Variants in PCCA observed in about 807,000 individuals in gnomAD.
PCCA encodes the protein propionyl-CoA carboxylase subunit alpha, also known as propionyl-CoA carboxylase alpha chain, mitochondrial.
Under a neutral mutation model 101.3 loss-of-function variants are expected in PCCA, and 74 were observed. The observed-to-expected ratio is 0.73, with a 90% confidence interval of 0.61 to 0.89. The LOEUF (loss-of-function observed/expected upper bound fraction) is 0.89. Among genes scored for constraint, PCCA ranks in the 40% least tolerant of loss-of-function variants. The pLI is 0.00. For synonymous variants in PCCA, 294 were observed against 313.6 expected (o/e 0.94, Z 0.66); for missense variants, 891 against 907.0 (o/e 0.98, Z 0.23).
intron 6 of PCCA, among the ~76,000 whole-genome samples, chr13:100,201,920 G>A (rs931322870): frequency 6.7e-6 from 1 of 148,654 alleles, no homozygotes; most frequent in Non-Finnish European, 1.5e-5. Flanking sequence ...GCCAGATTTG[G>A]CCTACACACT....
chr13:100,269,111 G>A (rs2063138512), intron 11 of PCCA, among the ~76,000 whole-genome samples: 1 of 152,178 alleles, frequency 6.6e-6, no homozygotes, highest in South Asian at 2.1e-4. Context: ...GCCTCCCGAA[G>A]TGCTGGGATT....
intron 19 of PCCA, among the ~76,000 whole-genome samples, chr13:100,400,871 C>T (rs2077320743): frequency 6.6e-6 from 1 of 151,972 alleles, no homozygotes; most frequent in African/African-American, 2.4e-5. Flanking sequence ...GGTGATCCAC[C>T]TACCTTGGAC....
At chr13:100,449,339 T>A (rs1382512770) in intron 21 of PCCA, 34 bp downstream of exon 21, 2 of 1,324,674 alleles carry the variant, frequency 1.5e-6, no homozygotes, top group South Asian at 1.3e-5. Flanking sequence ...TCTCTTAATT[T>A]ACAGAGAAAA....
intron 21 of PCCA, among the ~76,000 whole-genome samples, chr13:100,456,464 G>A (rs2081720664): frequency 6.6e-6 from 1 of 152,172 alleles, no homozygotes; most frequent in Non-Finnish European, 1.5e-5. Context: ...GAGATAAAGA[G>A]AAAGCAGCTG....
In PCCA at chr13:100,229,561, G is replaced by A. The variant is rs572484591; in HGVS notation, c.601-6281G>A. Among the ~76,000 whole-genome samples the A allele has an allele frequency of 7.9e-5, 12 of 152,322 alleles. No homozygotes were observed. The East Asian group carries it at 2.1e-3, about 27-fold the overall frequency. On this transcript the variant is annotated intron_variant, in intron 7 of 23. Coordinates refer to ENST00000376285, the MANE Select transcript of PCCA (RefSeq NM_000282.4). ...CTGTTCCTCTTCCTTATTTGAAGGTGTTTTTACCTTTCTCAGTATTCCACA... is the reference window on the plus strand; with the variant it reads ...CTGTTCCTCTTCCTTATTTGAAGGTATTTTTACCTTTCTCAGTATTCCACA...
intron 19 of PCCA, among the ~76,000 whole-genome samples, chr13:100,399,392 A>C (rs2077209771): frequency 6.6e-6 from 1 of 152,234 alleles, no homozygotes; most frequent in African/African-American, 2.4e-5. Flanking sequence ...TTACACTATA[A>C]TGGCTAAACT....
chr13:100,178,237 G>C (rs982704690), intron 6 of PCCA, among the ~76,000 whole-genome samples: 1 of 152,184 alleles, frequency 6.6e-6, no homozygotes, highest in Non-Finnish European at 1.5e-5. Flanking sequence ...ACGTAGAAAA[G>C]ATGCTTAGGC....
chr13:100,220,665 T>C (rs943557504), intron 7 of PCCA, among the ~76,000 whole-genome samples: 3 of 152,234 alleles, frequency 2.0e-5, no homozygotes, highest in African/African-American at 7.2e-5. Flanking sequence ...TAGGTCTTCC[T>C]ATTTCCCTCT....
At chr13:100,131,367 G>A (rs1156800683) in intron 4 of PCCA, among the ~76,000 whole-genome samples, 1 of 152,124 alleles carries the variant, frequency 6.6e-6, no homozygotes, top group Non-Finnish European at 1.5e-5. Flanking sequence ...CAAGAGCCGT[G>A]ATTTCCAAGA....
At chr13:100,487,529 TA>T (rs938388971) in intron 21 of PCCA, among the ~76,000 whole-genome samples, 2 of 152,220 alleles carry the variant, frequency 1.3e-5, no homozygotes, top group East Asian at 1.9e-4. Flanking sequence ...GTTAAATTAA[TA>T]TTTTTTATTT....
At chr13:100,447,099 G>A (rs2080884434) in intron 20 of PCCA, among the ~76,000 whole-genome samples, 2 of 152,056 alleles carry the variant, frequency 1.3e-5, no homozygotes, top group African/African-American at 4.8e-5. Context: ...GAAGTAAAAT[G>A]GGTTGGCTGG....
intron 4 of PCCA, among the ~76,000 whole-genome samples, chr13:100,154,307 AGAGT>A (rs1172841591): frequency 3.9e-5 from 6 of 152,250 alleles, no homozygotes; most frequent in South Asian, 2.1e-4. Context: ...TAAACATTAT[AGAGT>A]GAGTAGTCTT....
At chr13:100,294,734 T>TC (rs1470903607) in intron 12 of PCCA, among the ~76,000 whole-genome samples, 17 of 152,318 alleles carry the variant, frequency 1.1e-4, no homozygotes, top group African/African-American at 3.8e-4. Context: ...TAGCCAGTAC[T>TC]CACTTTGATG....
intron 12 of PCCA, among the ~76,000 whole-genome samples, chr13:100,274,660 G>A (rs1214105768): frequency 1.3e-5 from 2 of 152,098 alleles, no homozygotes; most frequent in African/African-American, 4.8e-5. Context: ...TGCCTCAGTT[G>A]TCATATTGCC....
At chr13:100,132,958 T>A (rs1460231745) in intron 4 of PCCA, among the ~76,000 whole-genome samples, 2 of 152,058 alleles carry the variant, frequency 1.3e-5, no homozygotes, top group Non-Finnish European at 2.9e-5. Context: ...TTTTTGTATT[T>A]TTACTAGAGA....
chr13:100,446,863 C>T (rs1465596598), intron 20 of PCCA, among the ~76,000 whole-genome samples: 1 of 152,174 alleles, frequency 6.6e-6, no homozygotes, highest in African/African-American at 2.4e-5. Flanking sequence ...TTATTCTGAA[C>T]ATATTGTTTT....
intron 6 of PCCA, among the ~76,000 whole-genome samples, chr13:100,171,759 G>A (rs1204850730): frequency 6.6e-6 from 1 of 152,080 alleles, no homozygotes; most frequent in Non-Finnish European, 1.5e-5. Context: ...GTGGCTGGGC[G>A]CGGTGGCTCA....
At chr13:100,470,526 C>T (rs899422697) in intron 21 of PCCA, among the ~76,000 whole-genome samples, 1 of 152,094 alleles carries the variant, frequency 6.6e-6, no homozygotes, top group African/African-American at 2.4e-5. Flanking sequence ...CCCCCTAAGA[C>T]TCTGGCAGCA....
intron 4 of PCCA, among the ~76,000 whole-genome samples, chr13:100,147,262 C>CT (rs141906503): frequency 0.01 from 1,568 of 152,212 alleles, 41 homozygotes; most frequent in African/African-American, 0.036. Context: ...ACTGCTTAAG[C>CT]TTTTTTTCTT....
Sources: allele counts gnomAD v4.1 joint callset (sites outside exome capture counted in the v4.1 genomes callset), GRCh38; gene constraint gnomAD v4.1.1; transcripts MANE v1.5; gene names NCBI Gene and HGNC (gene_info 2026-07-23, HGNC 2026-07-21).